FERMT3: variants seen among roughly 807,000 people sequenced by gnomAD.
The protein encoded by FERMT3 is fermitin family homolog 3.
FERMT3 carries 33 observed loss-of-function variants against 80.8 expected under a neutral mutation model. The ratio of observed to expected loss-of-function variants is 0.41; its 90% CI spans 0.31 to 0.55. FERMT3 has a LOEUF of 0.55. Among genes scored for constraint, FERMT3 ranks in the 20% least tolerant of loss-of-function variants. The pLI is 0.31. For missense variants in FERMT3, 754 were observed against 908.7 expected, an observed-to-expected ratio of 0.83 and a Z score of 2.19; for synonymous variants, 375 against 372.2, an observed-to-expected ratio of 1.01 and a Z score of -0.09.
intron 6 of FERMT3, among the ~76,000 whole-genome samples, chr11:64,215,549 A>T (rs1451526875): frequency 6.6e-6 from 1 of 152,088 alleles, no homozygotes; most frequent in African/African-American, 2.4e-5. Context: ...CTTTATTTTA[A>T]TAGAACCAAA....
intron 6 of FERMT3, among the ~76,000 whole-genome samples, chr11:64,215,323 A>G (rs1257881884): frequency 1.3e-5 from 2 of 152,340 alleles, no homozygotes; most frequent in East Asian, 1.9e-4. Context: ...TCATAAGGCT[A>G]TTAGCCATCT....
At position 64,223,889 on chromosome 11, in the gene FERMT3, C is replaced by T; in HGVS notation, c.*397C>T. 1 of 1,602,392 alleles carries T rather than the reference C, an allele frequency of 6.2e-7. No individual in the cohort carries two copies. The highest frequency in any genetic ancestry group is 8.5e-7 in the Non-Finnish European group (1 of 1,173,612). ...TAAATTAATATTTTATTGTTGGATC[C>T]TCCTCCTTTCTCTGGAGCTGTGCTT... On this transcript the variant is annotated 3_prime_UTR_variant, in exon 15 of 15. Transcript: ENST00000345728.
intron 2 of FERMT3, 159 bp downstream of exon 2, chr11:64,207,683 C>T (rs1946343698): frequency 2.3e-6 from 2 of 871,654 alleles, no homozygotes; most frequent in African/African-American, 1.7e-5. Context: ...AAGACATTTC[C>T]CCAACTTCCT....
rs745962281 is a variant in FERMT3 at position 64,207,483 on chromosome 11, C to T, written c.119C>T (p.Ser40Leu). The T allele has an allele frequency of 1.1e-5, 18 of 1,613,686 alleles. No homozygotes were observed. Among genetic ancestry groups the T allele is most frequent in the South Asian group, 6.6e-5 (6 of 91,042 alleles). The change falls in exon 2 of 15, where the codon TCG becomes TTG. Residue 40 changes from serine to leucine, a missense_variant. Transcript: ENST00000345728. ...ESVTLRVTGE[S>L]HIGGVLLKIV... Reference sequence around the variant, plus strand: ...GTCACCCTGCGGGTCACTGGGGAGTCGCACATCGGCGGGGTGCTCCTGAAG... The same window carrying T: ...GTCACCCTGCGGGTCACTGGGGAGTTGCACATCGGCGGGGTGCTCCTGAAG...
intron 6 of FERMT3, among the ~76,000 whole-genome samples, chr11:64,216,549 C>T (rs1946555439): frequency 6.8e-6 from 1 of 147,236 alleles, no homozygotes. Flanking sequence ...GTAATCCCAG[C>T]ACTTTGGGAG....
At chr11:64,207,864 G>A (rs1222051778) in intron 2 of FERMT3, 13 of 219,672 alleles carry the variant, frequency 5.9e-5, no homozygotes, top group Non-Finnish European at 7.3e-5. Context: ...TGACCCAGGG[G>A]CCTGCCCCCA....
At chr11:64,220,179 TC>T (rs776440278) in intron 10 of FERMT3, 40 bp from the exon 11 acceptor site, 3 of 1,600,800 alleles carry the variant, frequency 1.9e-6, no homozygotes, top group South Asian at 1.1e-5. Context: ...AGGCGGCTCT[TC>T]CCCTCCCGAC....
In FERMT3 at chr11:64,210,485, G is replaced by A. The variant is rs1333760166; in HGVS notation, c.161-126G>A. ...GGTAGACCCCAGGCCCGCCCAGGCT[G>A]CCCCACTCTTGGCTTAGGCAGGGCA... On this transcript the variant is annotated intron_variant, in intron 2 of 14. Transcript: ENST00000345728. The surrounding 1 kb of genome is among the most constrained non-coding windows in gnomAD (Gnocchi z 4.3). The A allele has an allele frequency of 1.1e-6, 1 of 941,142 alleles. No homozygotes were observed. Among genetic ancestry groups the A allele is most frequent in the African/African-American group, 1.6e-5 (1 of 61,584 alleles). The allele number at this position is 941,142 out of a possible 1,614,324, so 58.3% of individuals were successfully genotyped here.
intron 6 of FERMT3, among the ~76,000 whole-genome samples, chr11:64,217,095 C>T (rs1263600718): frequency 2.6e-5 from 4 of 152,134 alleles, no homozygotes; most frequent in Admixed American, 6.5e-5. Flanking sequence ...GCGATGGGGC[C>T]GGGCTGCCAC....
chr11:64,207,289 C>T (rs1946331784), intron 1 of FERMT3, 62 bp from the exon 2 acceptor site: 1 of 1,602,624 alleles, frequency 6.2e-7, no homozygotes, highest in African/African-American at 1.3e-5. Flanking sequence ...CAGAGCTCTT[C>T]TGCCCAAACC....
rs886043481 is a variant in FERMT3 at position 64,223,418 on chromosome 11, C to A, written c.1918C>A (p.Arg640=). ...CGGGGGCTACATTTTCCTGTCGACG[C>A]GGGAGCGGGCCCGTGGGGAGGAGCT... The part of the protein sequence containing the change: ...YIGGYIFLST[R]ERARGEELDE... The change falls in exon 15 of 15, where the codon CGG becomes AGG. Residue 640 remains arginine (R), a synonymous_variant. Transcript: ENST00000345728. 2.5e-6 allele frequency: 4 copies of A among 1,613,460 alleles called. No homozygotes were observed. Among genetic ancestry groups the A allele is most frequent in the African/African-American group, 1.3e-5 (1 of 74,938 alleles).
Position 64,220,430 on chromosome 11 carries a change from G to T in FERMT3, c.1312-6G>T. ...TAGCACTGTCCCCCTCACCCCTCTCGCCCAGGAGCAGCAGTATGCCCGCTG... is the reference window on the plus strand; with the variant it reads ...TAGCACTGTCCCCCTCACCCCTCTCTCCCAGGAGCAGCAGTATGCCCGCTG... On this transcript the variant is annotated splice_region_variant and splice_polypyrimidine_tract_variant and intron_variant, in intron 11 of 14. Transcript: ENST00000345728. 2 of 1,610,656 alleles carry T rather than the reference G, an allele frequency of 1.2e-6. No homozygotes were observed. Among genetic ancestry groups the T allele is most frequent in the Non-Finnish European group, 1.7e-6 (2 of 1,179,536 alleles).
Position 64,207,531 on chromosome 11 carries a change from G to C in FERMT3, c.160+7G>C. The C allele has an allele frequency of 6.3e-7, 1 of 1,597,326 alleles. No individual in the cohort carries two copies. Among genetic ancestry groups the C allele is most frequent in the Non-Finnish European group, 8.6e-7 (1 of 1,168,478 alleles). On this transcript the variant is annotated splice_region_variant and intron_variant, in intron 2 of 14. Transcript: ENST00000345728. The stretch of plus-strand genomic sequence containing the variant: ...AAGATTGTGGAGCAGATCAGTGAGT[G>C]TCCGCTGCCCGCTTGCTGAACTCGG...
At chr11:64,216,764 C>T (rs1360286729) in intron 6 of FERMT3, among the ~76,000 whole-genome samples, 1 of 146,076 alleles carries the variant, frequency 6.8e-6, no homozygotes, top group East Asian at 2.1e-4. Flanking sequence ...CCACTGCACT[C>T]CAGCCTGGGT....
Position 64,219,800 on chromosome 11 carries a change from G to T in FERMT3, c.1079+11G>T, listed in dbSNP as rs774186296. On this transcript the variant is annotated intron_variant, in intron 9 of 14. Transcript: ENST00000345728. This position sits in a 1 kb window ranked among gnomAD's most constrained non-coding sequence, Gnocchi z 4.0. ...TCTCCGAATCTTTCGGTGAGTTGGG[G>T]GCCAGAGTAGGCAGCCCTGCTGGAG... 10 of 1,614,082 alleles carry T rather than the reference G, an allele frequency of 6.2e-6. No homozygotes were observed. The highest frequency in any genetic ancestry group is 8.5e-6 in the Non-Finnish European group (10 of 1,180,028).
At chr11:64,208,467 C>G (rs755329190) in intron 2 of FERMT3, among the ~76,000 whole-genome samples, 2 of 152,218 alleles carry the variant, frequency 1.3e-5, no homozygotes, top group Non-Finnish European at 2.9e-5. Flanking sequence ...GTTCCTTTAG[C>G]TCTGTGTTCC....
chr11:64,208,227 C>T (rs567242136), intron 2 of FERMT3, among the ~76,000 whole-genome samples: 5 of 152,122 alleles, frequency 3.3e-5, no homozygotes, highest in Non-Finnish European at 5.9e-5. Context: ...GAGGTCAGTC[C>T]GACTGTGGAG....
At chr11:64,215,852 C>T (rs1245925318) in intron 6 of FERMT3, among the ~76,000 whole-genome samples, 2 of 148,814 alleles carry the variant, frequency 1.3e-5, no homozygotes, top group Admixed American at 6.7e-5. Flanking sequence ...TTTTTTTAGA[C>T]GGAGTCTCAC....
rs1946624327 is a variant in FERMT3, at chr11:64,219,453, G to A, written c.895-71G>A. ...CTGAGTGGGGGCTACCTCCAGGGAA[G>A]CCCGGCCTGGGGGTACTGCTAGGGG... On this transcript the variant is annotated intron_variant, in intron 7 of 14. Coordinates refer to ENST00000345728, the MANE Select transcript of FERMT3 (RefSeq NM_031471.6). The surrounding 1 kb of genome is among the most constrained non-coding windows in gnomAD (Gnocchi z 4.0). The A allele has an allele frequency of 1.9e-6, 3 of 1,558,794 alleles. No individual in the cohort carries two copies. Among genetic ancestry groups the A allele is most frequent in the Admixed American group, 1.9e-5 (1 of 51,572 alleles).
Sources: gnomAD v4.1 joint callset for allele counts (sites outside exome capture counted in the v4.1 genomes callset) on GRCh38, gnomAD v4.1.1 for gene constraint, Gnocchi (gnomAD v3.1) non-coding constraint, MANE v1.5 for transcripts, NCBI Gene and HGNC (gene_info 2026-07-23, HGNC 2026-07-21) for gene names.